The following SLC25A13 variants were observed in gnomAD, a reference collection of about 807,000 sequenced individuals.
SLC25A13 encodes solute carrier family 25 member 13.
SLC25A13 carries 70 observed loss-of-function variants against 85.5 expected under a neutral mutation model. The ratio of observed to expected loss-of-function variants is 0.82; its 90% CI spans 0.68 to 1.00. The LOEUF (loss-of-function observed/expected upper bound fraction) is 1.00, where lower values mean the gene tolerates loss of function less well. Among genes scored for constraint, SLC25A13 ranks in the 50% least tolerant of loss-of-function variants. SLC25A13 has a pLI of 0.00. For missense variants in SLC25A13, 765 were observed against 819.8 expected, an observed-to-expected ratio of 0.93 and a Z score of 0.82; for synonymous variants, 259 against 288.7, an observed-to-expected ratio of 0.90 and a Z score of 1.04.
At chr7:96,282,449 A>G (rs1319430803) in intron 2 of SLC25A13, among the ~76,000 whole-genome samples, 4 of 152,188 alleles carry the variant, frequency 2.6e-5, no homozygotes, top group East Asian at 3.8e-4. Context: ...TTGTTTTCCA[A>G]CCACTGAGAA....
chr7:96,284,456 C>A (rs1798809462), intron 2 of SLC25A13, among the ~76,000 whole-genome samples: 1 of 152,154 alleles, frequency 6.6e-6, no homozygotes, highest in African/African-American at 2.4e-5. Flanking sequence ...TTATAAAAAT[C>A]CAAGTGTAAT....
chr7:96,256,309 T>C (rs1268716410), intron 3 of SLC25A13, among the ~76,000 whole-genome samples: 1 of 152,096 alleles, frequency 6.6e-6, no homozygotes, highest in Non-Finnish European at 1.5e-5. Flanking sequence ...GTCGGTGTGC[T>C]ATATTCAGGT....
At chr7:96,173,891 C>T (rs1794109219) in intron 11 of SLC25A13, among the ~76,000 whole-genome samples, 1 of 152,194 alleles carries the variant, frequency 6.6e-6, no homozygotes, top group African/African-American at 2.4e-5. Flanking sequence ...AGGAGGATGA[C>T]TGACAGTCTT....
At chr7:96,141,007 T>C (rs1792534152) in intron 14 of SLC25A13, among the ~76,000 whole-genome samples, 1 of 147,706 alleles carries the variant, frequency 6.8e-6, no homozygotes, top group Non-Finnish European at 1.5e-5. Context: ...CGCATTCCTT[T>C]CTTTTTTCTT....
chr7:96,223,298 G>T (rs926854664), intron 4 of SLC25A13, among the ~76,000 whole-genome samples: 2 of 152,160 alleles, frequency 1.3e-5, no homozygotes, highest in African/African-American at 4.8e-5. Flanking sequence ...CTTTAAAATT[G>T]CACGTAAAAC....
At chr7:96,315,685 T>G (rs1800102251) in intron 1 of SLC25A13, among the ~76,000 whole-genome samples, 1 of 152,152 alleles carries the variant, frequency 6.6e-6, no homozygotes, top group Non-Finnish European at 1.5e-5. Context: ...ATCATCATGG[T>G]AGCATAAAAA....
At chr7:96,227,571 G>A (rs897302878) in intron 4 of SLC25A13, among the ~76,000 whole-genome samples, 5 of 152,106 alleles carry the variant, frequency 3.3e-5, no homozygotes, top group African/African-American at 1.2e-4. Flanking sequence ...TATTAGCGGA[G>A]AATATACAAT....
At chr7:96,239,134 A>C (rs1796867487) in intron 3 of SLC25A13, among the ~76,000 whole-genome samples, 1 of 147,906 alleles carries the variant, frequency 6.8e-6, no homozygotes, top group Non-Finnish European at 1.5e-5. Context: ...ATAGCCAATA[A>C]ATACTCTGGT....
At chr7:96,303,600 G>A (rs192552813) in intron 1 of SLC25A13, among the ~76,000 whole-genome samples, 8 of 152,238 alleles carry the variant, frequency 5.3e-5, no homozygotes, top group East Asian at 1.9e-4. Flanking sequence ...GCTGCTATGC[G>A]GCCTATGTGC....
intron 14 of SLC25A13, among the ~76,000 whole-genome samples, chr7:96,134,315 C>A (rs1277343059): frequency 6.6e-6 from 1 of 152,100 alleles, no homozygotes; most frequent in Non-Finnish European, 1.5e-5. Context: ...GGATTACAGG[C>A]ATTGAGCCAC....
intron 1 of SLC25A13, among the ~76,000 whole-genome samples, chr7:96,314,819 T>G (rs1279938209): frequency 6.6e-6 from 1 of 152,162 alleles, no homozygotes; most frequent in Non-Finnish European, 1.5e-5. Flanking sequence ...AAAAAAGACC[T>G]GCTCCCTGAC....
chr7:96,121,932 G>C lies in SLC25A13; in HGVS notation c.1657C>G (p.Arg553Gly), dbSNP rs761602352. 1.2e-6 allele frequency: 2 copies of C among 1,613,930 alleles called. No homozygotes were observed. Among genetic ancestry groups the C allele is most frequent in the Non-Finnish European group, 1.7e-6 (2 of 1,180,016 alleles). ...VIKTRLQVAARAGQTTYSGVI... is the reference protein window; with the variant it reads ...VIKTRLQVAAGAGQTTYSGVI... ...CCGCTGTAAGTGGTTTGGCCAGCCC[G>C]GGCAGCCACCTGTAATCTCGTCTTG... The change falls in exon 16 of 18, where the codon CGG becomes GGG. Residue 553 changes from arginine (R) to glycine (G), a missense_variant. Transcript: ENST00000265631.
chr7:96,321,536 A>G (rs1365607987), intron 1 of SLC25A13, among the ~76,000 whole-genome samples: 1 of 152,188 alleles, frequency 6.6e-6, no homozygotes, highest in African/African-American at 2.4e-5. Flanking sequence ...CCCTGGAAGA[A>G]GCCGGAGTCA....
chr7:96,319,107 C>T (rs1475987609), intron 1 of SLC25A13, among the ~76,000 whole-genome samples: 3 of 152,170 alleles, frequency 2.0e-5, no homozygotes, highest in Non-Finnish European at 4.4e-5. Flanking sequence ...AGACCAGCAG[C>T]TTCATTGAGG....
intron 11 of SLC25A13, among the ~76,000 whole-genome samples, chr7:96,181,242 G>C (rs1442843977): frequency 1.3e-5 from 2 of 152,142 alleles, no homozygotes; most frequent in Admixed American, 6.5e-5. Flanking sequence ...AAAGAAAACG[G>C]AGTTATACCA....
chr7:96,299,433 A>G (rs527799178), intron 1 of SLC25A13, among the ~76,000 whole-genome samples: 2 of 152,368 alleles, frequency 1.3e-5, no homozygotes, highest in Admixed American at 1.3e-4. Flanking sequence ...ACTGCAAATC[A>G]GTCAGATAAG....
At chr7:96,289,700 G>T (rs1799039216) in intron 2 of SLC25A13, among the ~76,000 whole-genome samples, 1 of 152,254 alleles carries the variant, frequency 6.6e-6, no homozygotes, top group African/African-American at 2.4e-5. Flanking sequence ...GAGAAGAGAA[G>T]TTTAGAGAAA....
rs528749072 is a variant in SLC25A13, at chr7:96,213,081, T to A, written c.329-4104A>T. On this transcript the variant is annotated intron_variant, in intron 4 of 17. Transcript: ENST00000265631. Reference sequence around the variant, plus strand: ...TGTTCCTCTGGAAAACTCACACATTTTCTCCAAAAATATTTTATAGACTCA... The same window carrying A: ...TGTTCCTCTGGAAAACTCACACATTATCTCCAAAAATATTTTATAGACTCA... Among the ~76,000 whole-genome samples, 11 of 152,296 alleles carry A rather than the reference T, an allele frequency of 7.2e-5. No individual in the cohort carries two copies. The South Asian group carries it at 2.3e-3, about 32-fold the overall frequency.
At chr7:96,266,839 A>G (rs894822429) in intron 3 of SLC25A13, among the ~76,000 whole-genome samples, 5 of 152,196 alleles carry the variant, frequency 3.3e-5, no homozygotes, top group Non-Finnish European at 7.3e-5. Flanking sequence ...AAAGGAAAAA[A>G]TAACACTGAT....
Sources: gnomAD v4.1 joint callset for allele counts (sites outside exome capture counted in the v4.1 genomes callset) on GRCh38, gnomAD v4.1.1 for gene constraint, MANE v1.5 for transcripts, NCBI Gene and HGNC (gene_info 2026-07-23, HGNC 2026-07-21) for gene names.